The following CNTNAP5 variants were observed in gnomAD, a reference collection of about 807,000 sequenced individuals.
CNTNAP5 encodes contactin associated protein family member 5.
In CNTNAP5, 72 loss-of-function variants were observed where a neutral mutation model predicts 150.2. The ratio of observed to expected loss-of-function variants is 0.48; its 90% CI spans 0.40 to 0.58. CNTNAP5 has a LOEUF of 0.58. Among genes scored for constraint, CNTNAP5 ranks in the 20% least tolerant of loss-of-function variants. The pLI is 0.00. For missense variants in CNTNAP5, 1,636 were observed against 1,626.2 expected, an observed-to-expected ratio of 1.01 and a Z score of -0.10; for synonymous variants, 672 against 619.8, an observed-to-expected ratio of 1.08 and a Z score of -1.25.
chr2:124,742,754 C>A (rs1477836315), intron 13 of CNTNAP5, among the ~76,000 whole-genome samples: 1 of 151,810 alleles, frequency 6.6e-6, no homozygotes, highest in Non-Finnish European at 1.5e-5. Context: ...TCATGCAATT[C>A]CTCAGTCGTA....
At chr2:124,413,980 G>A (rs1387836672) in intron 3 of CNTNAP5, among the ~76,000 whole-genome samples, 1 of 151,880 alleles carries the variant, frequency 6.6e-6, no homozygotes, top group Non-Finnish European at 1.5e-5. Context: ...GAGTGAGGAG[G>A]GGAAGGTAAG....
At chr2:124,806,112 G>T (rs1682075598) in intron 19 of CNTNAP5, among the ~76,000 whole-genome samples, 1 of 152,144 alleles carries the variant, frequency 6.6e-6, no homozygotes, top group Non-Finnish European at 1.5e-5. Context: ...GGTGTAGTTG[G>T]CTTCAGAAAG....
intron 12 of CNTNAP5, among the ~76,000 whole-genome samples, chr2:124,611,403 C>T (rs1677382123): frequency 6.6e-6 from 1 of 152,190 alleles, no homozygotes; most frequent in African/African-American, 2.4e-5. Flanking sequence ...CATTGGGTGC[C>T]ACGTCCTTGC....
At chr2:124,447,034 C>A in intron 6 of CNTNAP5, 97 bp downstream of exon 6, 1 of 1,192,010 alleles carries the variant, frequency 8.4e-7, no homozygotes, top group Non-Finnish European at 1.2e-6. Flanking sequence ...AGTGGTGGGG[C>A]ACTGAGGAGT....
intron 21 of CNTNAP5, among the ~76,000 whole-genome samples, chr2:124,879,449 C>T (rs1333679349): frequency 6.6e-6 from 1 of 152,076 alleles, no homozygotes; most frequent in Non-Finnish European, 1.5e-5. Context: ...GGATGAGTAT[C>T]TCCAGCTTCC....
intron 3 of CNTNAP5, among the ~76,000 whole-genome samples, chr2:124,335,252 C>T (rs1689443398): frequency 6.6e-6 from 1 of 151,980 alleles, no homozygotes; most frequent in Admixed American, 6.6e-5. Flanking sequence ...TAACAAAAGG[C>T]CCTTAGGGAT....
chr2:124,890,054 G>A (rs779031983), intron 21 of CNTNAP5, among the ~76,000 whole-genome samples: 6 of 151,990 alleles, frequency 3.9e-5, no homozygotes, highest in Non-Finnish European at 7.4e-5. Context: ...TAGATTTTAG[G>A]AGAATAGCTC....
chr2:124,510,348 AACACACACACACAC>A (rs3039130), intron 8 of CNTNAP5, among the ~76,000 whole-genome samples: 4 of 68,294 alleles, frequency 5.9e-5, no homozygotes, highest in Admixed American at 2.1e-4. Flanking sequence ...TCCATATGTC[AACACACACACACAC>A]ACACACACAC....
intron 10 of CNTNAP5, among the ~76,000 whole-genome samples, chr2:124,529,647 C>T (rs1457217278): frequency 6.6e-6 from 1 of 152,136 alleles, no homozygotes; most frequent in Non-Finnish European, 1.5e-5. Context: ...ATGTGTTAAT[C>T]AACGTGAGCT....
At chr2:124,786,415 G>A (rs1558775132) in intron 17 of CNTNAP5, among the ~76,000 whole-genome samples, 8 of 99,142 alleles carry the variant, frequency 8.1e-5, no homozygotes, top group Non-Finnish European at 1.5e-4. Flanking sequence ...AGGAAGGAAG[G>A]AAGGAAGGAA....
At chr2:124,578,179 A>C (rs1371830439) in intron 11 of CNTNAP5, among the ~76,000 whole-genome samples, 2 of 138,562 alleles carry the variant, frequency 1.4e-5, no homozygotes, top group African/African-American at 2.6e-5. Flanking sequence ...AAAAAAAAAA[A>C]ATTAGCCGGG....
intron 3 of CNTNAP5, among the ~76,000 whole-genome samples, chr2:124,407,342 C>A (rs564852517): frequency 6.6e-6 from 1 of 152,094 alleles, no homozygotes; most frequent in African/African-American, 2.4e-5. Flanking sequence ...GGAACTGTTT[C>A]TTTTCCTTCA....
chr2:124,171,149 G>C (rs17010972), intron 1 of CNTNAP5, among the ~76,000 whole-genome samples: 3 of 152,188 alleles, frequency 2.0e-5, no homozygotes, highest in African/African-American at 7.2e-5. Context: ...TTACAGCAGC[G>C]ATATAAAATG....
At position 124,163,528 on chromosome 2, in the gene CNTNAP5, AG is replaced by A. The variant is rs142841631; in HGVS notation, c.83-58174del. ...CTTCAGGACAGAAATGCTAGCTCTCAGGGCTCCTCATTTTACATGAAATTGA... is the reference window on the plus strand; with the variant it reads ...CTTCAGGACAGAAATGCTAGCTCTCAGGCTCCTCATTTTACATGAAATTGA... On this transcript the variant is annotated intron_variant, in intron 1 of 23. Transcript: ENST00000682447. Among the ~76,000 whole-genome samples, 1,478 of 152,240 alleles carry A rather than the reference AG, an allele frequency of 9.7e-3. 24 individuals are homozygous for A. Among genetic ancestry groups the A allele is most frequent in the African/African-American group, 0.034 (1,409 of 41,536 alleles).
At chr2:124,228,732 C>T (rs1327317226) in intron 2 of CNTNAP5, among the ~76,000 whole-genome samples, 1 of 152,142 alleles carries the variant, frequency 6.6e-6, no homozygotes, top group African/African-American at 2.4e-5. Context: ...TTCATTGGTT[C>T]ATTTATTACA....
At chr2:124,030,684 A>T (rs1681023921) in intron 1 of CNTNAP5, among the ~76,000 whole-genome samples, 1 of 152,156 alleles carries the variant, frequency 6.6e-6, no homozygotes, top group Non-Finnish European at 1.5e-5. Context: ...TCTAGATTTG[A>T]TGCAAAATGC....
intron 1 of CNTNAP5, among the ~76,000 whole-genome samples, chr2:124,027,062 AGG>A (rs574574379): frequency 6.6e-6 from 1 of 152,360 alleles, no homozygotes; most frequent in Non-Finnish European, 1.5e-5. Flanking sequence ...TGTGTTCTAC[AGG>A]AAGGCTAAAG....
intron 5 of CNTNAP5, among the ~76,000 whole-genome samples, chr2:124,443,534 G>C (rs184622007): frequency 2.0e-5 from 3 of 151,918 alleles, no homozygotes; most frequent in Non-Finnish European, 2.9e-5. Context: ...CATTAATAGC[G>C]GTGATTACCT....
chr2:124,322,113 G>T (rs1689115255), intron 3 of CNTNAP5, among the ~76,000 whole-genome samples: 1 of 151,688 alleles, frequency 6.6e-6, no homozygotes, highest in Admixed American at 6.6e-5. Context: ...TTGCACCACT[G>T]CACTCCAGCC....
Sources: allele counts gnomAD v4.1 joint callset (sites outside exome capture counted in the v4.1 genomes callset), GRCh38; gene constraint gnomAD v4.1.1; transcripts MANE v1.5; gene names NCBI Gene and HGNC (gene_info 2026-07-23, HGNC 2026-07-21).